GPC6: variants seen among roughly 807,000 people sequenced by gnomAD.
GPC6 encodes the protein glypican-6.
GPC6 carries 14 observed loss-of-function variants against 55.2 expected under a neutral mutation model. That is an observed-to-expected ratio of 0.25 (90% CI 0.17 to 0.40). The LOEUF is 0.40. Ranked by LOEUF, GPC6 falls within the 10% of genes least tolerant of loss-of-function variation. The pLI is 1.00. For missense variants in GPC6, 641 were observed against 708.5 expected (o/e 0.90, Z 1.08); for synonymous variants, 278 against 259.6 (o/e 1.07, Z -0.68).
At chr13:93,351,594 T>A (rs909643877) in intron 1 of GPC6, among the ~76,000 whole-genome samples, 8 of 152,156 alleles carry the variant, frequency 5.3e-5, no homozygotes, top group African/African-American at 1.2e-4. Context: ...ATATTGAATG[T>A]TCCCAACACA....
chr13:94,223,137 T>G (rs1052102359), intron 4 of GPC6, among the ~76,000 whole-genome samples: 2 of 152,124 alleles, frequency 1.3e-5, no homozygotes, highest in African/African-American at 4.8e-5. Context: ...TTTAATAGTT[T>G]TTAACATGAA....
chr13:93,916,616 A>T (rs772662117), intron 3 of GPC6, among the ~76,000 whole-genome samples: 30 of 152,180 alleles, frequency 2.0e-4, no homozygotes, highest in Non-Finnish European at 4.4e-4. Context: ...TCAGACTTCC[A>T]CTATGAAAGC....
At chr13:93,612,862 C>T (rs987202586) in intron 2 of GPC6, among the ~76,000 whole-genome samples, 2 of 152,108 alleles carry the variant, frequency 1.3e-5, no homozygotes, top group Non-Finnish European at 2.9e-5. Context: ...GTTGTTTATA[C>T]ATTTAACAGC....
intron 1 of GPC6, among the ~76,000 whole-genome samples, chr13:93,294,862 A>G (rs1878432324): frequency 6.6e-6 from 1 of 151,986 alleles, no homozygotes; most frequent in South Asian, 2.1e-4. Flanking sequence ...TTGGACATAC[A>G]TCAGCCATTT....
intron 4 of GPC6, among the ~76,000 whole-genome samples, chr13:94,114,158 T>C (rs1198512491): frequency 4.5e-5 from 5 of 110,196 alleles, no homozygotes; most frequent in Admixed American, 2.8e-4. Flanking sequence ...TTTTCTAAAT[T>C]AAAAAAAAAA....
chr13:94,336,377 A>G (rs1877700691), intron 6 of GPC6, among the ~76,000 whole-genome samples: 1 of 152,132 alleles, frequency 6.6e-6, no homozygotes, highest in African/African-American at 2.4e-5. Flanking sequence ...CCCAAAGACC[A>G]TCCTGAGTTG....
intron 1 of GPC6, among the ~76,000 whole-genome samples, chr13:93,429,589 C>T (rs1481480804): frequency 1.3e-5 from 2 of 152,142 alleles, no homozygotes; most frequent in African/African-American, 4.8e-5. Flanking sequence ...GATTAAAACA[C>T]TTGTTTTTCT....
At chr13:93,576,597 A>G (rs1204373523) in intron 2 of GPC6, among the ~76,000 whole-genome samples, 1 of 152,060 alleles carries the variant, frequency 6.6e-6, no homozygotes, top group Non-Finnish European at 1.5e-5. Context: ...GCCTTTTATT[A>G]TTGATAGTTC....
chr13:93,911,481 G>T (rs1171474990), intron 3 of GPC6, among the ~76,000 whole-genome samples: 2 of 151,860 alleles, frequency 1.3e-5, no homozygotes, highest in Admixed American at 1.3e-4. Context: ...AGGATATGTA[G>T]TCATAATTAC....
chr13:93,891,133 G>C (rs541551261), intron 3 of GPC6, among the ~76,000 whole-genome samples: 11 of 152,038 alleles, frequency 7.2e-5, no homozygotes, highest in Non-Finnish European at 1.5e-4. Context: ...TATTTGACAA[G>C]TATACTACAC....
chr13:93,353,427 T>C (rs532632388), intron 1 of GPC6, among the ~76,000 whole-genome samples: 5 of 152,248 alleles, frequency 3.3e-5, no homozygotes, highest in South Asian at 2.1e-4. Context: ...ACTAGGAGCA[T>C]GTGGGGTCCT....
At chr13:94,213,738 T>C (rs1043326262) in intron 4 of GPC6, among the ~76,000 whole-genome samples, 9 of 152,250 alleles carry the variant, frequency 5.9e-5, no homozygotes, top group East Asian at 1.9e-4. Flanking sequence ...ACATTTGGAA[T>C]TGGATGACAT....
chr13:93,276,495 A>AGTGTGTGT (rs71675979), intron 1 of GPC6, among the ~76,000 whole-genome samples: 14 of 94,454 alleles, frequency 1.5e-4, no homozygotes, highest in African/African-American at 4.5e-4. Flanking sequence ...AGAGAGAGAG[A>AGTGTGTGT]GTGTGTGTGT....
intron 2 of GPC6, among the ~76,000 whole-genome samples, chr13:93,661,107 T>TAC (rs1468809082): frequency 6.6e-6 from 1 of 152,236 alleles, no homozygotes; most frequent in Non-Finnish European, 1.5e-5. Flanking sequence ...GACAAGAATG[T>TAC]ACACATGAGA....
At chr13:93,650,219 GT>G (rs1462386609) in intron 2 of GPC6, among the ~76,000 whole-genome samples, 3 of 152,022 alleles carry the variant, frequency 2.0e-5, no homozygotes, top group African/African-American at 7.2e-5. Context: ...TGTAAATATG[GT>G]TTAATTTTCC....
intron 6 of GPC6, among the ~76,000 whole-genome samples, chr13:94,333,938 GAGA>G (rs959432373): frequency 3.6e-4 from 55 of 152,310 alleles, no homozygotes; most frequent in African/African-American, 1.3e-3. Flanking sequence ...ACAGAGAGCA[GAGA>G]AGGAGAGAGA....
At chr13:94,087,758 T>C (rs999952465) in intron 4 of GPC6, among the ~76,000 whole-genome samples, 1 of 152,208 alleles carries the variant, frequency 6.6e-6, no homozygotes, top group Non-Finnish European at 1.5e-5. Context: ...TGTTCCACAG[T>C]TCTAGATTTA....
chr13:93,400,314 C>T (rs1416988088), intron 1 of GPC6, among the ~76,000 whole-genome samples: 1 of 138,714 alleles, frequency 7.2e-6, no homozygotes, highest in Admixed American at 7.5e-5. Context: ...TCAGTGCCAA[C>T]AAAACTTGGT....
At chr13:93,467,018 A>C in intron 1 of GPC6, among the ~76,000 whole-genome samples, 1 of 152,224 alleles carries the variant, frequency 6.6e-6, no homozygotes, top group Non-Finnish European at 1.5e-5. Flanking sequence ...AATGATACAT[A>C]GTTGTCAAGA....
Sources: gnomAD v4.1 joint callset for allele counts (sites outside exome capture counted in the v4.1 genomes callset) on GRCh38, gnomAD v4.1.1 for gene constraint, MANE v1.5 for transcripts, NCBI Gene and HGNC (gene_info 2026-07-23, HGNC 2026-07-21) for gene names.